The following FURIN variants were observed in gnomAD, a reference collection of about 807,000 sequenced individuals.
FURIN encodes the protein furin, paired basic amino acid cleaving enzyme.
A neutral mutation model predicts 89.2 loss-of-function variants in FURIN; 18 were observed. That is an observed-to-expected ratio of 0.20 (90% CI 0.14 to 0.30). The LOEUF (loss-of-function observed/expected upper bound fraction) is 0.30, where lower values mean the gene tolerates loss of function less well. Among genes scored for constraint, FURIN ranks in the 10% least tolerant of loss-of-function variants. The pLI, the probability that FURIN is intolerant of heterozygous loss-of-function variation, is 1.00. For synonymous variants in FURIN, 508 were observed against 466.4 expected (o/e 1.09, Z -1.15); for missense variants, 879 against 1,100.5 (o/e 0.80, Z 2.85).
At chr15:90,870,597 C>T (rs2031237849) in intron 1 of FURIN, among the ~76,000 whole-genome samples, 1 of 152,172 alleles carries the variant, frequency 6.6e-6, no homozygotes. Flanking sequence ...TGGAATAACC[C>T]AGCCTGGGAA....
intron 6 of FURIN, 146 bp downstream of exon 6, chr15:90,877,357 C>A (rs569017477): frequency 5.0e-5 from 46 of 925,850 alleles, no homozygotes; most frequent in Admixed American, 1.3e-4. Context: ...AGGGAGGGCT[C>A]GGTCAGAGTG....
rs1302320943 is a variant in FURIN, at chr15:90,883,127, C to G, written c.*1249C>G. 1.3e-5 allele frequency: 2 copies of G among 152,744 alleles called. No homozygotes were observed. Among genetic ancestry groups the G allele is most frequent in the Non-Finnish European group, 2.9e-5 (2 of 68,156 alleles). The allele number at this position is 152,744 out of a possible 1,614,324, so 9.5% of individuals were successfully genotyped here. On this transcript the variant is annotated 3_prime_UTR_variant, in exon 16 of 16. Coordinates refer to ENST00000268171, the MANE Select transcript of FURIN (RefSeq NM_002569.4). ...ACACTGTGCCCTGGTGGAGAAAGCA[C>G]TGACCTGTCATGCCCCCCTCAAACC...
rs1159384606 is a variant in FURIN at position 90,868,718 on chromosome 15, A to G, written c.-160+7A>G. ...TCTGGAGCTGGATGGTGAAGTATGG[A>G]CATGCTTTATTCGATTTTGCATTGA... On this transcript the variant is annotated splice_region_variant and intron_variant, in intron 1 of 15. Transcript: ENST00000268171. The G allele has an allele frequency of 6.6e-6, 1 of 152,234 alleles. No individual in the cohort carries two copies. The highest frequency in any genetic ancestry group is 1.5e-5 in the Non-Finnish European group (1 of 68,044). The allele number at this position is 152,234 out of a possible 1,614,324, so 9.4% of individuals were successfully genotyped here. A position where few individuals can be genotyped will look rare whatever the true frequency, so the allele number is the denominator to read the frequency against.
At chr15:90,879,312 C>A in intron 9 of FURIN, 132 bp from the exon 10 acceptor site, 1 of 704,770 alleles carries the variant, frequency 1.4e-6, no homozygotes, top group East Asian at 2.6e-5. Flanking sequence ...CAGCTGGGAC[C>A]TGGGGTTCTT....
At position 90,880,269 on chromosome 15, in the gene FURIN, G is replaced by A; in HGVS notation, c.1552G>A (p.Ala518Thr). The stretch of plus-strand genomic sequence containing the variant: ...GGGCACCCGCTCCACCCTGCTGGCA[G>A]CCAGGTGCTTGCTCTGTCCCTGCCC... ...PMGTRSTLLA[A>T]RPHDYSADGF... The change falls in exon 13 of 16, where the codon GCC becomes ACC. Residue 518 changes from alanine (A) to threonine (T), a missense_variant. Ala to Thr is a moderately conservative substitution (Grantham distance 58). Around this residue, in one of 5 missense-constraint regions of FURIN, gnomAD observed 457 missense variants for 490.7 expected, o/e 0.93. Coordinates refer to ENST00000268171, the MANE Select transcript of FURIN (RefSeq NM_002569.4). 6.2e-7 allele frequency: 1 copy of A among 1,602,940 alleles called. No homozygotes were observed. Among genetic ancestry groups the A allele is most frequent in the Non-Finnish European group, 8.5e-7 (1 of 1,174,256 alleles).
chr15:90,876,151 C>T lies in FURIN; in HGVS notation c.178-104C>T. ...GACAGGGAGCAGATGCCCCGCACCC[C>T]CGACCGTGGCGAGCCTCCCATGAAG... On this transcript the variant is annotated intron_variant, in intron 2 of 15. Transcript: ENST00000268171. The surrounding 1 kb of genome is among the most constrained non-coding windows in gnomAD (Gnocchi z 5.0). The T allele has an allele frequency of 2.3e-6, 2 of 871,512 alleles. No individual in the cohort carries two copies. Among genetic ancestry groups the T allele is most frequent in the South Asian group, 2.9e-5 (2 of 69,756 alleles). The allele number at this position is 871,512 out of a possible 1,614,324, so 54.0% of individuals were successfully genotyped here.
rs1432226791 is a variant in FURIN, at chr15:90,880,685, C to T, written c.1557-6C>T. On this transcript the variant is annotated splice_polypyrimidine_tract_variant and splice_region_variant and intron_variant, in intron 13 of 15. Transcript: ENST00000268171. ...GCCTCAGGGCTGTGTGCACTCCCCT[C>T]CCCAGGCCACATGACTACTCCGCAG... 1.9e-6 allele frequency: 3 copies of T among 1,610,994 alleles called. No individual in the cohort carries two copies. Among genetic ancestry groups the T allele is most frequent in the African/African-American group, 2.7e-5 (2 of 74,928 alleles).
chr15:90,881,070 G>T lies in FURIN; in HGVS notation c.1792+30G>T. The T allele has an allele frequency of 6.6e-7, 1 of 1,520,830 alleles. No homozygotes were observed. Among genetic ancestry groups the T allele is most frequent in the African/African-American group, 1.4e-5 (1 of 73,220 alleles). 94.2% of individuals were successfully genotyped at this position (1,520,830 alleles called of 1,614,324 possible). A position where few individuals can be genotyped will look rare whatever the true frequency, so the allele number is the denominator to read the frequency against. The stretch of plus-strand genomic sequence containing the variant: ...GTAGTGGGTGCTGTTGGGCTTTGGG[G>T]GCCTGAGTCTGGGGGTAAGGCGGGT... On this transcript the variant is annotated intron_variant, in intron 15 of 15. Transcript: ENST00000268171. The surrounding 1 kb of genome is among the most constrained non-coding windows in gnomAD (Gnocchi z 4.3).
Position 90,880,918 on chromosome 15 carries a change from G to C in FURIN, c.1682-12G>C. ...CTGTCTTAACTCTTGCCTCCTCCCC[G>C]CTCTGGAACAGGGACGCTGACCAAG... On this transcript the variant is annotated splice_polypyrimidine_tract_variant and intron_variant, in intron 14 of 15. Coordinates refer to ENST00000268171, the MANE Select transcript of FURIN (RefSeq NM_002569.4). The C allele has an allele frequency of 1.2e-6, 2 of 1,612,916 alleles. No individual in the cohort carries two copies. The highest frequency in any genetic ancestry group is 1.7e-6 in the Non-Finnish European group (2 of 1,178,918).
At chr15:90,871,334 G>T (rs1312237432) in intron 1 of FURIN, among the ~76,000 whole-genome samples, 1 of 151,994 alleles carries the variant, frequency 6.6e-6, no homozygotes, top group Non-Finnish European at 1.5e-5. Flanking sequence ...GCCCGGGGGC[G>T]GGGGCACGGC....
At chr15:90,872,716 G>C (rs2031383528) in intron 1 of FURIN, among the ~76,000 whole-genome samples, 1 of 152,240 alleles carries the variant, frequency 6.6e-6, no homozygotes, top group African/African-American at 2.4e-5. Context: ...CCAGCAAATA[G>C]TGGGCAGGGA....
intron 1 of FURIN, among the ~76,000 whole-genome samples, chr15:90,870,836 T>C (rs1342089434): frequency 3.9e-5 from 6 of 152,314 alleles, no homozygotes; most frequent in Admixed American, 2.0e-4. Context: ...TCAGTTTCCT[T>C]ATCTGTAAAA....
chr15:90,878,385 T>C, intron 8 of FURIN, 81 bp downstream of exon 8: 1 of 1,180,736 alleles, frequency 8.5e-7, no homozygotes, highest in Non-Finnish European at 1.2e-6. Context: ...TGGTTTGTTT[T>C]ATTTATTCTC....
At position 90,881,125 on chromosome 15, in the gene FURIN, A is replaced by G; in HGVS notation, c.1792+85A>G. ...GTCCTGAAGCCCAGCTCTAACAGAA[A>G]AAAGTCTCAAGAGACCTAGGGCCCC... On this transcript the variant is annotated intron_variant, in intron 15 of 15. Coordinates refer to ENST00000268171, the MANE Select transcript of FURIN (RefSeq NM_002569.4). This position sits in a 1 kb window ranked among gnomAD's most constrained non-coding sequence, Gnocchi z 4.3. 8.3e-7 allele frequency: 1 copy of G among 1,207,240 alleles called. No homozygotes were observed. Among genetic ancestry groups the G allele is most frequent in the Non-Finnish European group, 1.2e-6 (1 of 819,588 alleles). 74.8% of individuals were successfully genotyped at this position (1,207,240 alleles called of 1,614,324 possible).
At position 90,876,345 on chromosome 15, in the gene FURIN, G is replaced by A. The variant is rs1292665059; in HGVS notation, c.268G>A (p.Glu90Lys). Residue 90 changes from glutamate (E) to lysine (K), a missense_variant, in exon 3 of 16, where the codon GAG (glutamate) becomes AAG (lysine). Coordinates refer to ENST00000268171, the MANE Select transcript of FURIN (RefSeq NM_002569.4). This position sits in a 1 kb window ranked among gnomAD's most constrained non-coding sequence, Gnocchi z 5.0. ...HRPRHSRLQR[E>K]PQVQWLEQQV... The stretch of plus-strand genomic sequence containing the variant: ...CCCGCGGCACAGCCGGCTGCAGAGG[G>A]AGCCTCAAGTGAGTGTGGCCCCAGC... 1 of 1,609,114 alleles carries A rather than the reference G, an allele frequency of 6.2e-7. No homozygotes were observed. Among genetic ancestry groups the A allele is most frequent in the Non-Finnish European group, 8.5e-7 (1 of 1,175,800 alleles).
chr15:90,872,037 T>C (rs2031338442), intron 1 of FURIN, among the ~76,000 whole-genome samples: 1 of 150,810 alleles, frequency 6.6e-6, no homozygotes, highest in Admixed American at 6.6e-5. Context: ...TGCTCCAGCC[T>C]CCCCGCCGCC....
rs1382613407 is a variant in FURIN, at chr15:90,883,051, C to G, written c.*1173C>G. 6.6e-6 allele frequency: 1 copy of G among 152,658 alleles called. No homozygotes were observed. Among genetic ancestry groups the G allele is most frequent in the Non-Finnish European group, 1.5e-5 (1 of 68,102 alleles). 9.5% of individuals were successfully genotyped at this position (152,658 alleles called of 1,614,324 possible). On this transcript the variant is annotated 3_prime_UTR_variant, in exon 16 of 16. Coordinates refer to ENST00000268171, the MANE Select transcript of FURIN (RefSeq NM_002569.4). The stretch of plus-strand genomic sequence containing the variant: ...CGCCATGCCGGGGGTTCATAGGTCA[C>G]TGGCTCTCCAAGTGCCAGAGGTGGG...
Position 90,876,805 on chromosome 15 carries a change from G to A in FURIN, c.373-91G>A. 7.1e-7 allele frequency: 1 copy of A among 1,404,048 alleles called. No individual in the cohort carries two copies. The highest frequency in any genetic ancestry group is 1.0e-6 in the Non-Finnish European group (1 of 1,003,068). The allele number at this position is 1,404,048 out of a possible 1,614,324, so 87.0% of individuals were successfully genotyped here. On this transcript the variant is annotated intron_variant, in intron 4 of 15. Coordinates refer to ENST00000268171, the MANE Select transcript of FURIN (RefSeq NM_002569.4). This position sits in a 1 kb window ranked among gnomAD's most constrained non-coding sequence, Gnocchi z 5.0. The stretch of plus-strand genomic sequence containing the variant: ...CAGGAGCAGGGATGGTACAGGAGGA[G>A]GTTTTACGGGGGCAAAGGGATTCTT...
chr15:90,871,516 CAG>C (rs1567081070), intron 1 of FURIN: 4 of 148,570 alleles, frequency 2.7e-5, no homozygotes, highest in South Asian at 1.9e-4. Flanking sequence ...CGCGGGCCCG[CAG>C]TCGGGCCCGG....
Sources: gnomAD v4.1 joint callset for allele counts (sites outside exome capture counted in the v4.1 genomes callset) on GRCh38, gnomAD v4.1.1 for gene constraint, gnomAD v4.1.1 regional missense constraint, Gnocchi (gnomAD v3.1) non-coding constraint, MANE v1.5 for transcripts, NCBI Gene and HGNC (gene_info 2026-07-23, HGNC 2026-07-21) for gene names.